The following SPEF2 variants were observed in gnomAD, a reference collection of about 807,000 sequenced individuals.
SPEF2 encodes the protein sperm flagella and cilia-associated protein 2.
In SPEF2, 187 loss-of-function variants were observed where a neutral mutation model predicts 224.6. The observed-to-expected ratio is 0.83, with a 90% CI of 0.74 to 0.94. The LOEUF is 0.94. Among genes scored for constraint, SPEF2 ranks in the 40% least tolerant of loss-of-function variants. SPEF2 has a pLI of 0.00. For missense variants in SPEF2, 2,170 were observed against 2,135.6 expected, an observed-to-expected ratio of 1.02 and a Z score of -0.32; for synonymous variants, 715 against 707.3, an observed-to-expected ratio of 1.01 and a Z score of -0.17.
In SPEF2 at chr5:35,763,541, A is replaced by T; in HGVS notation, c.3640A>T (p.Ile1214Leu). 6.3e-7 allele frequency: 1 copy of T among 1,589,846 alleles called. No individual in the cohort carries two copies. Residue 1214 changes from isoleucine (I) to leucine (L), a missense_variant, in exon 26 of 37, where the codon ATA becomes TTA. Coordinates refer to ENST00000356031, the MANE Select transcript of SPEF2 (RefSeq NM_024867.4). ...TCAAAGAATTCCTCTAGTTCCTCGA[A>T]TATCCATTTCTCTGGAAACAGTTAC... is the stretch of plus-strand genomic sequence containing the variant. ...SQLRIPLVPRISISLETVTPK... is the reference protein window; with the variant it reads ...SQLRIPLVPRLSISLETVTPK...
chr5:35,656,242 C>A, intron 7 of SPEF2, among the ~76,000 whole-genome samples: 1 of 152,082 alleles, frequency 6.6e-6, no homozygotes, highest in South Asian at 2.1e-4. Context: ...TTTGAAGATG[C>A]TTTTATTCAC....
At chr5:35,720,746 G>A (rs1743499630) in intron 20 of SPEF2, among the ~76,000 whole-genome samples, 1 of 152,132 alleles carries the variant, frequency 6.6e-6, no homozygotes, top group Non-Finnish European at 1.5e-5. Context: ...ATAACCTAAA[G>A]AAGATTGAGC....
chr5:35,713,553 G>A (rs950526804), intron 20 of SPEF2, among the ~76,000 whole-genome samples: 1 of 151,156 alleles, frequency 6.6e-6, no homozygotes, highest in Non-Finnish European at 1.5e-5. Context: ...GGCCAACATG[G>A]TGAAACCCCA....
chr5:35,633,592 A>G (rs1745427058), intron 2 of SPEF2, among the ~76,000 whole-genome samples: 1 of 151,936 alleles, frequency 6.6e-6, no homozygotes, highest in South Asian at 2.1e-4. Flanking sequence ...CCCTCTTTGT[A>G]ATTGTAGTTA....
At chr5:35,760,692 T>C (rs563159043) in intron 25 of SPEF2, among the ~76,000 whole-genome samples, 1 of 152,192 alleles carries the variant, frequency 6.6e-6, no homozygotes, top group South Asian at 2.1e-4. Context: ...GTAGATCCAA[T>C]GGGTAGGGGC....
At chr5:35,800,682 C>T (rs950728721) in intron 34 of SPEF2, among the ~76,000 whole-genome samples, 1 of 152,160 alleles carries the variant, frequency 6.6e-6, no homozygotes, top group Non-Finnish European at 1.5e-5. Flanking sequence ...ATTGGCATTC[C>T]CTGGCTTTTG....
intron 23 of SPEF2, among the ~76,000 whole-genome samples, chr5:35,741,665 A>G (rs935327222): frequency 3.9e-5 from 6 of 152,224 alleles, no homozygotes; most frequent in African/African-American, 1.4e-4. Flanking sequence ...AACTTTTGCA[A>G]TAGAAGCAAG....
chr5:35,793,472 C>T, intron 32 of SPEF2, 131 bp downstream of exon 32: 3 of 836,308 alleles, frequency 3.6e-6, no homozygotes, highest in Non-Finnish European at 5.1e-6. Context: ...GTCTAGGCAC[C>T]CAGAGGCAGC....
chr5:35,658,794 T>A (rs1300001026), intron 7 of SPEF2, among the ~76,000 whole-genome samples: 1 of 152,232 alleles, frequency 6.6e-6, no homozygotes, highest in African/African-American at 2.4e-5. Context: ...ATAATTTGTT[T>A]AAAGTAATTG....
intron 36 of SPEF2, among the ~76,000 whole-genome samples, chr5:35,811,444 A>G (rs1397700352): frequency 6.6e-6 from 1 of 152,238 alleles, no homozygotes; most frequent in East Asian, 1.9e-4. Context: ...ATAAGTATGC[A>G]TAATTGTAAT....
At chr5:35,619,366 T>C (rs182788155) in intron 1 of SPEF2, among the ~76,000 whole-genome samples, 1 of 152,288 alleles carries the variant, frequency 6.6e-6, no homozygotes, top group East Asian at 1.9e-4. Context: ...TAGTTTAATT[T>C]AGTTCATTTA....
intron 21 of SPEF2, among the ~76,000 whole-genome samples, chr5:35,739,438 A>C (rs1747201827): frequency 6.6e-6 from 1 of 152,200 alleles, no homozygotes; most frequent in South Asian, 2.1e-4. Flanking sequence ...GCTGGAGTGC[A>C]ACAGCATGAT....
chr5:35,674,728 T>C (rs1413406086), intron 10 of SPEF2, among the ~76,000 whole-genome samples: 1 of 152,012 alleles, frequency 6.6e-6, no homozygotes, highest in Non-Finnish European at 1.5e-5. Flanking sequence ...TAAACCTGAT[T>C]ACATTCCAAA....
intron 20 of SPEF2, among the ~76,000 whole-genome samples, chr5:35,727,009 C>G (rs762199547): frequency 3.3e-4 from 50 of 149,638 alleles, no homozygotes; most frequent in Non-Finnish European, 3.1e-4. Context: ...CCCTCCCCTC[C>G]CCTTCCTTTG....
chr5:35,632,390 A>G (rs1274458516), intron 2 of SPEF2, among the ~76,000 whole-genome samples: 1 of 152,158 alleles, frequency 6.6e-6, no homozygotes, highest in African/African-American at 2.4e-5. Flanking sequence ...GCCCCGCATA[A>G]AACCATCATA....
intron 25 of SPEF2, among the ~76,000 whole-genome samples, chr5:35,763,078 A>G (rs1169180714): frequency 6.6e-6 from 1 of 152,134 alleles, no homozygotes; most frequent in Non-Finnish European, 1.5e-5. Flanking sequence ...GTCATGTCCT[A>G]CCTTCAGTTG....
At chr5:35,618,101 C>G in intron 1 of SPEF2, 46 bp downstream of exon 1, 1 of 1,549,866 alleles carries the variant, frequency 6.5e-7, no homozygotes, top group East Asian at 2.4e-5. Context: ...GCTAGCGGGG[C>G]GCAGAGCCTG....
At chr5:35,796,955 G>A (rs2149843085) in intron 33 of SPEF2, among the ~76,000 whole-genome samples, 1 of 152,174 alleles carries the variant, frequency 6.6e-6, no homozygotes, top group South Asian at 2.1e-4. Flanking sequence ...TGAAACTGGG[G>A]GACTGAAAAC....
At chr5:35,706,404 A>G (rs1739782319) in intron 18 of SPEF2, among the ~76,000 whole-genome samples, 1 of 152,008 alleles carries the variant, frequency 6.6e-6, no homozygotes, top group African/African-American at 2.4e-5. Flanking sequence ...ATTTCATTCA[A>G]CCAATGATAA....
Sources: gnomAD v4.1 joint callset for allele counts (sites outside exome capture counted in the v4.1 genomes callset) on GRCh38, gnomAD v4.1.1 for gene constraint, MANE v1.5 for transcripts, NCBI Gene and HGNC (gene_info 2026-07-23, HGNC 2026-07-21) for gene names.